Variants in NRXN1 observed in about 807,000 individuals in gnomAD.
NRXN1 encodes the protein neurexin-1.
Under a neutral mutation model 150.9 loss-of-function variants are expected in NRXN1, and 39 were observed. That is an observed-to-expected ratio of 0.26 (90% confidence interval 0.20 to 0.34). NRXN1 has a LOEUF of 0.34. Ranked by LOEUF, NRXN1 falls within the 10% of genes least tolerant of loss-of-function variation. The probability of loss-of-function intolerance (pLI) is 1.00; values close to 1 mark genes in which losing one functional copy is unlikely to be tolerated. For missense variants in NRXN1, 1,815 were observed against 1,949.9 expected (o/e 0.93, Z 1.30); for synonymous variants, 924 against 757.0 (o/e 1.22, Z -3.62).
At chr2:50,822,824 A>G (rs1192959159) in intron 5 of NRXN1, among the ~76,000 whole-genome samples, 1 of 152,182 alleles carries the variant, frequency 6.6e-6, no homozygotes, top group Non-Finnish European at 1.5e-5. Context: ...AATCCAGCTT[A>G]AGCCCCTATC....
intron 17 of NRXN1, among the ~76,000 whole-genome samples, chr2:50,332,603 A>C (rs1386987485): frequency 6.6e-6 from 1 of 152,124 alleles, no homozygotes; most frequent in Non-Finnish European, 1.5e-5. Context: ...CCAAAGTGAG[A>C]CTCTCTTTGT....
intron 21 of NRXN1, among the ~76,000 whole-genome samples, chr2:50,045,220 A>C (rs1691627057): frequency 6.6e-6 from 1 of 152,366 alleles, no homozygotes; most frequent in African/African-American, 2.4e-5. Context: ...AAAACATGTA[A>C]GAAATTAACA....
intron 17 of NRXN1, among the ~76,000 whole-genome samples, chr2:50,414,237 G>C (rs928901211): frequency 2.0e-5 from 3 of 152,008 alleles, no homozygotes; most frequent in African/African-American, 7.2e-5. Flanking sequence ...TAAATGCTAG[G>C]GGGGATGGAT....
intron 5 of NRXN1, among the ~76,000 whole-genome samples, chr2:50,876,659 T>C (rs757305724): frequency 1.9e-4 from 29 of 151,868 alleles, no homozygotes; most frequent in Non-Finnish European, 3.7e-4. Flanking sequence ...TCTGTAATTC[T>C]AATGAGATCA....
intron 15 of NRXN1, among the ~76,000 whole-genome samples, chr2:50,495,631 C>A (rs1478547440): frequency 6.6e-6 from 1 of 152,084 alleles, no homozygotes; most frequent in Non-Finnish European, 1.5e-5. Context: ...TTTTTAATAT[C>A]AAGACCAATA....
In NRXN1 at chr2:50,906,969, T is replaced by C. The variant is rs563055352; in HGVS notation, c.832+14900A>G. 4.6e-5 allele frequency among the ~76,000 whole-genome samples: 7 copies of C among 151,982 alleles called. No individual in the cohort carries two copies. In the East Asian group the frequency reaches 1.4e-3, roughly 30 times the overall value. Reference sequence around the variant, plus strand: ...CAAGGTCTCTGACCTTTTCCTGCCCTCCTCTCTCACACCCCTCTTTCTCCC... The same window carrying C: ...CAAGGTCTCTGACCTTTTCCTGCCCCCCTCTCTCACACCCCTCTTTCTCCC... On this transcript the variant is annotated intron_variant, in intron 5 of 22. Transcript: ENST00000401669.
chr2:50,800,090 A>AG (rs1707377287), intron 5 of NRXN1, among the ~76,000 whole-genome samples: 1 of 152,236 alleles, frequency 6.6e-6, no homozygotes, highest in Non-Finnish European at 1.5e-5. Context: ...ATTTCGTGAC[A>AG]TACTCTTTGG....
intron 18 of NRXN1, among the ~76,000 whole-genome samples, chr2:50,230,855 C>T (rs2064874524): frequency 6.6e-6 from 1 of 152,040 alleles, no homozygotes; most frequent in African/African-American, 2.4e-5. Flanking sequence ...CTATTTAGCA[C>T]TTAAGCCAAT....
At chr2:49,980,565 C>T (rs1679831781) in intron 21 of NRXN1, among the ~76,000 whole-genome samples, 1 of 151,964 alleles carries the variant, frequency 6.6e-6, no homozygotes, top group African/African-American at 2.4e-5. Context: ...GGATAGTTTC[C>T]CATATTGAGT....
At chr2:50,524,088 A>T (rs1337239961) in intron 12 of NRXN1, among the ~76,000 whole-genome samples, 1 of 152,234 alleles carries the variant, frequency 6.6e-6, no homozygotes, top group African/African-American at 2.4e-5. Context: ...GTGGGAGAAC[A>T]GACAAATGTA....
chr2:49,927,053 G>C (rs1018498969), intron 22 of NRXN1, among the ~76,000 whole-genome samples: 6 of 152,150 alleles, frequency 3.9e-5, no homozygotes, highest in African/African-American at 1.4e-4. Flanking sequence ...GGTAAATGAA[G>C]AAGGTCAGGC....
intron 17 of NRXN1, among the ~76,000 whole-genome samples, chr2:50,239,626 A>G (rs2065800025): frequency 1.5e-5 from 2 of 131,140 alleles, no homozygotes; most frequent in African/African-American, 2.8e-5. Flanking sequence ...TAATTGGCAG[A>G]GTTGGTATAA....
At chr2:50,811,856 A>G (rs1041938809) in intron 5 of NRXN1, among the ~76,000 whole-genome samples, 1 of 152,160 alleles carries the variant, frequency 6.6e-6, no homozygotes, top group Admixed American at 6.5e-5. Flanking sequence ...CACAATTCCA[A>G]AAAGAATCTG....
chr2:49,976,454 T>C (rs996056311), intron 21 of NRXN1, among the ~76,000 whole-genome samples: 13 of 152,200 alleles, frequency 8.5e-5, no homozygotes, highest in Non-Finnish European at 1.5e-5. Context: ...TATCATTTTA[T>C]ACATTTTGTT....
At chr2:50,478,907 G>GT (rs1016240766) in intron 15 of NRXN1, among the ~76,000 whole-genome samples, 3 of 152,046 alleles carry the variant, frequency 2.0e-5, no homozygotes, top group Non-Finnish European at 4.4e-5. Context: ...TTGTTGTTTC[G>GT]TTTTCATTCC....
At chr2:50,125,200 T>C (rs1288001621) in intron 18 of NRXN1, among the ~76,000 whole-genome samples, 3 of 152,158 alleles carry the variant, frequency 2.0e-5, no homozygotes, top group African/African-American at 7.2e-5. Flanking sequence ...TATTGATATG[T>C]AGAAAATGTT....
At chr2:49,926,218 T>G (rs1572877533) in intron 22 of NRXN1, 1 of 396,848 alleles carries the variant, frequency 2.5e-6, no homozygotes, top group East Asian at 3.6e-5. Context: ...TCTTTCTCAC[T>G]TCTGAGATTC....
At chr2:50,281,089 G>C (rs1392769482) in intron 17 of NRXN1, among the ~76,000 whole-genome samples, 1 of 150,790 alleles carries the variant, frequency 6.6e-6, no homozygotes, top group East Asian at 1.9e-4. Flanking sequence ...CAGATCACGA[G>C]GTCAGAAGAT....
At chr2:50,801,606 C>T (rs942075019) in intron 5 of NRXN1, among the ~76,000 whole-genome samples, 38 of 151,996 alleles carry the variant, frequency 2.5e-4, no homozygotes, top group African/African-American at 8.9e-4. Flanking sequence ...CAGATACTCC[C>T]AAAATATGCA....
Sources: gnomAD v4.1 joint callset for allele counts (sites outside exome capture counted in the v4.1 genomes callset) on GRCh38, gnomAD v4.1.1 for gene constraint, MANE v1.5 for transcripts, NCBI Gene and HGNC (gene_info 2026-07-23, HGNC 2026-07-21) for gene names.